The following KDM2A variants were observed in gnomAD, a reference collection of about 807,000 sequenced individuals.
KDM2A encodes the protein lysine demethylase 2A.
Under a neutral mutation model 137.3 loss-of-function variants are expected in KDM2A, and 3 were observed. The ratio of observed to expected loss-of-function variants is 0.02; its 90% CI spans 0.01 to 0.06. The LOEUF (loss-of-function observed/expected upper bound fraction) is 0.06. Among genes scored for constraint, KDM2A ranks in the 10% least tolerant of loss-of-function variants. The pLI is 1.00. For synonymous variants in KDM2A, 512 were observed against 541.5 expected (o/e 0.95, Z 0.76); for missense variants, 738 against 1,510.6 (o/e 0.49, Z 8.48).
At chr11:67,221,884 A>G (rs565214428) in intron 10 of KDM2A, among the ~76,000 whole-genome samples, 6 of 151,796 alleles carry the variant, frequency 4.0e-5, no homozygotes, top group Admixed American at 2.6e-4. Context: ...GCAGTGAGCT[A>G]TGTTGGTGCC....
intron 2 of KDM2A, among the ~76,000 whole-genome samples, chr11:67,141,324 T>G (rs1185722796): frequency 6.6e-6 from 1 of 152,086 alleles, no homozygotes; most frequent in Non-Finnish European, 1.5e-5. Flanking sequence ...CTTGAATATT[T>G]AATAGGAACA....
Position 67,256,726 on chromosome 11 carries a change from CCT to C in KDM2A, c.*1674_*1675del, listed in dbSNP as rs1287622742. The C allele has an allele frequency of 6.6e-6, 1 of 152,646 alleles. No homozygotes were observed. The highest frequency in any genetic ancestry group is 2.4e-5 in the African/African-American group (1 of 41,450). 9.5% of individuals were successfully genotyped at this position (152,646 alleles called of 1,614,324 possible). A position where few individuals can be genotyped will look rare whatever the true frequency, so the allele number is the denominator to read the frequency against. On this transcript the variant is annotated 3_prime_UTR_variant, in exon 21 of 21. Transcript: ENST00000529006. ...CAAAGCAATAGAGGCAGAGTGGTCCCCTCTTTGCCACCTAGGCCAGTTTTGAC... is the reference window on the plus strand; with the variant it reads ...CAAAGCAATAGAGGCAGAGTGGTCCCCTTTGCCACCTAGGCCAGTTTTGAC...
chr11:67,220,019 T>C (rs1194021190), intron 10 of KDM2A, among the ~76,000 whole-genome samples: 1 of 152,092 alleles, frequency 6.6e-6, no homozygotes, highest in African/African-American at 2.4e-5. Flanking sequence ...ATTTTTTTCT[T>C]TTAATATTTG....
chr11:67,243,040 C>T lies in KDM2A; in HGVS notation c.1511C>T (p.Pro504Leu), dbSNP rs747664154. ...CTGGAGGAGCTTGCCAACAGCGATC[C>T]CAAGTTAGCCCTCACTGGAGTTCCT... ...ILLEELANSDPKLALTGVPIV... is the reference protein window; with the variant it reads ...ILLEELANSDLKLALTGVPIV... Residue 504 changes from proline to leucine, a missense_variant, in exon 13 of 21, where the codon CCC (proline) becomes CTC (leucine). Pro to Leu is a moderately conservative substitution (Grantham distance 98). Coordinates refer to ENST00000529006, the MANE Select transcript of KDM2A (RefSeq NM_012308.3). 3.7e-6 allele frequency: 6 copies of T among 1,613,772 alleles called. No individual in the cohort carries two copies. Among genetic ancestry groups the T allele is most frequent in the Middle Eastern group, 1.6e-4 (1 of 6,062 alleles).
At chr11:67,214,643 T>C (rs1565407733) in intron 6 of KDM2A, among the ~76,000 whole-genome samples, 1 of 152,048 alleles carries the variant, frequency 6.6e-6, no homozygotes, top group Non-Finnish European at 1.5e-5. Context: ...CCCAACTATT[T>C]TTTTATTTTG....
intron 2 of KDM2A, among the ~76,000 whole-genome samples, chr11:67,129,113 A>T (rs911375087): frequency 6.6e-6 from 1 of 152,140 alleles, no homozygotes; most frequent in Non-Finnish European, 1.5e-5. Flanking sequence ...AATGGAGGAC[A>T]CTTTGGCAGG....
intron 2 of KDM2A, among the ~76,000 whole-genome samples, chr11:67,179,529 C>G (rs1479755317): frequency 2.0e-5 from 3 of 152,210 alleles, no homozygotes; most frequent in Non-Finnish European, 2.9e-5. Context: ...ATCCGCCTGC[C>G]TCTGCTTCCC....
At chr11:67,198,438 T>C (rs911751268) in intron 5 of KDM2A, among the ~76,000 whole-genome samples, 8 of 152,094 alleles carry the variant, frequency 5.3e-5, no homozygotes, top group African/African-American at 1.9e-4. Context: ...AACCTTTTCA[T>C]TATGCCGGGC....
chr11:67,186,182 C>T (rs748983664), intron 5 of KDM2A, among the ~76,000 whole-genome samples: 5 of 151,984 alleles, frequency 3.3e-5, no homozygotes, highest in Non-Finnish European at 5.9e-5. Flanking sequence ...ACTCAGAGAC[C>T]CTCACCAAGA....
At chr11:67,141,924 T>G (rs1029885150) in intron 2 of KDM2A, among the ~76,000 whole-genome samples, 1 of 151,998 alleles carries the variant, frequency 6.6e-6, no homozygotes, top group African/African-American at 2.4e-5. Flanking sequence ...CACGTGATAC[T>G]TCTCTTTCTG....
chr11:67,232,000 C>T (rs752761808), intron 12 of KDM2A, 40 bp downstream of exon 12: 9 of 1,538,380 alleles, frequency 5.9e-6, no homozygotes, highest in Middle Eastern at 1.9e-4. Context: ...ACTGATCCAG[C>T]TATGGCAGTC....
rs926802116 is a variant in KDM2A at position 67,166,185 on chromosome 11, C to CT, written c.43-13875dup. ...GACTTTCAGGAGAAACAATATTTCT[C>CT]TTTTTTTTTTTTTTTTTTTGAGACA... On this transcript the variant is annotated intron_variant, in intron 2 of 20. Transcript: ENST00000529006. 8.3e-3 allele frequency among the ~76,000 whole-genome samples: 1,094 copies of CT among 131,530 alleles called. 8 individuals are homozygous for CT. The highest frequency in any genetic ancestry group is 0.024 in the South Asian group (98 of 4,094). The allele number at this position is 131,530 out of a possible 152,430, so 86.3% of individuals were successfully genotyped here.
chr11:67,138,075 C>T (rs184876047), intron 2 of KDM2A, among the ~76,000 whole-genome samples: 4 of 152,180 alleles, frequency 2.6e-5, no homozygotes, highest in South Asian at 2.1e-4. Context: ...GGATTACAGG[C>T]GTGAACCACC....
chr11:67,190,888 A>G (rs1857335889), intron 5 of KDM2A, among the ~76,000 whole-genome samples: 1 of 152,232 alleles, frequency 6.6e-6, no homozygotes, highest in South Asian at 2.1e-4. Context: ...ATAGAACTAT[A>G]TTGTAGTTAG....
At chr11:67,208,659 T>C (rs1394533169) in intron 6 of KDM2A, among the ~76,000 whole-genome samples, 1 of 151,372 alleles carries the variant, frequency 6.6e-6, no homozygotes, top group Non-Finnish European at 1.5e-5. Flanking sequence ...TAATTCCAGC[T>C]ACTCGGGAGG....
chr11:67,225,126 C>T (rs527261745), intron 10 of KDM2A, among the ~76,000 whole-genome samples: 2 of 152,114 alleles, frequency 1.3e-5, no homozygotes, highest in East Asian at 1.9e-4. Context: ...TCACGCCCGG[C>T]GGCTGCAGCA....
intron 2 of KDM2A, among the ~76,000 whole-genome samples, chr11:67,152,422 G>A (rs888114807): frequency 6.6e-6 from 1 of 151,848 alleles, no homozygotes; most frequent in African/African-American, 2.4e-5. Context: ...GGACAACAGA[G>A]CAAGAGACCT....
chr11:67,247,670 C>A (rs1286343286), intron 15 of KDM2A, among the ~76,000 whole-genome samples: 5 of 152,166 alleles, frequency 3.3e-5, no homozygotes, highest in African/African-American at 1.2e-4. Context: ...AGTGATTTCC[C>A]CACCTTGGCC....
intron 2 of KDM2A, among the ~76,000 whole-genome samples, chr11:67,123,920 G>T (rs907417935): frequency 6.9e-6 from 1 of 143,908 alleles, no homozygotes; most frequent in Non-Finnish European, 1.5e-5. Flanking sequence ...CAGATGATCC[G>T]CCTGTCTTGG....
Sources: gnomAD v4.1 joint callset for allele counts (sites outside exome capture counted in the v4.1 genomes callset) on GRCh38, gnomAD v4.1.1 for gene constraint, MANE v1.5 for transcripts, NCBI Gene and HGNC (gene_info 2026-07-23, HGNC 2026-07-21) for gene names.